Variants in EEF2KMT observed in about 807,000 individuals in gnomAD.
EEF2KMT encodes protein-lysine N-methyltransferase EEF2KMT.
A neutral mutation model predicts 35.1 loss-of-function variants in EEF2KMT; 30 were observed. The ratio of observed to expected loss-of-function variants is 0.85; its 90% CI spans 0.64 to 1.16. EEF2KMT has a LOEUF of 1.16. EEF2KMT is among the 50% of genes most tolerant of loss of function. The probability of loss-of-function intolerance (pLI) is 0.00; values close to 1 mark genes in which losing one functional copy is unlikely to be tolerated. For missense variants in EEF2KMT, 499 were observed against 438.2 expected (o/e 1.14, Z -1.24); for synonymous variants, 190 against 187.7 (o/e 1.01, Z -0.10).
intron 6 of EEF2KMT, 185 bp from the exon 7 acceptor site, chr16:5,089,441 A>C: frequency 1.2e-6 from 1 of 813,788 alleles, no homozygotes; most frequent in Non-Finnish European, 1.9e-6. Flanking sequence ...TTAGTAGAGA[A>C]AGCTGCAAAA....
In EEF2KMT at chr16:5,091,722, C is replaced by A. The variant is rs941780425; in HGVS notation, c.342+72G>T. 50 of 1,596,372 alleles carry A rather than the reference C, an allele frequency of 3.1e-5. No homozygotes were observed. In the African/African-American group the frequency reaches 6.2e-4, roughly 20 times the overall value. On this transcript the variant is annotated intron_variant, in intron 4 of 7. Coordinates refer to ENST00000427587, the MANE Select transcript of EEF2KMT (RefSeq NM_201400.4). ...GGGTGAGTCAGGATTTGAACCCACA[C>A]CCACGTTTTCACTTTGTCTGTGCAG...
rs138095454 is a variant in EEF2KMT, at chr16:5,090,530, C to T, written c.378G>A (p.Thr126=). The T allele has an allele frequency of 3.2e-4, 520 of 1,611,674 alleles. 4 individuals are homozygous for T. The South Asian group carries it at 5.1e-3, about 16-fold the overall frequency. The change falls in exon 5 of 8, where the codon ACG becomes ACA. Residue 126 remains threonine (T), a synonymous_variant. Coordinates refer to ENST00000427587, the MANE Select transcript of EEF2KMT (RefSeq NM_201400.4). The surrounding 1 kb of genome is among the most constrained non-coding windows in gnomAD (Gnocchi z 4.1). The part of the protein sequence containing the change: ...SGGSVTLSES[T]AIISYGTTGL... ...CTGTGGTACCGTAGGAGATGATGGCCGTGCTCTCGGAGAGTGTGACCGAGC... is the reference window on the plus strand; with the variant it reads ...CTGTGGTACCGTAGGAGATGATGGCTGTGCTCTCGGAGAGTGTGACCGAGC...
Position 5,090,403 on chromosome 16 carries a change from C to T in EEF2KMT, c.476+29G>A, listed in dbSNP as rs552474686. On this transcript the variant is annotated intron_variant, in intron 5 of 7. Coordinates refer to ENST00000427587, the MANE Select transcript of EEF2KMT (RefSeq NM_201400.4). This position sits in a 1 kb window ranked among gnomAD's most constrained non-coding sequence, Gnocchi z 4.1. Reference sequence around the variant, plus strand: ...CGACTGCACCAGGGTAAGCCTGCCTCGGTGCCCTGCCCTGCGCCCCGAGGT... The same window carrying T: ...CGACTGCACCAGGGTAAGCCTGCCTTGGTGCCCTGCCCTGCGCCCCGAGGT... 7.3e-5 allele frequency: 117 copies of T among 1,611,782 alleles called. No individual in the cohort carries two copies. The highest frequency in any genetic ancestry group is 1.1e-4 in the East Asian group (5 of 44,870).
chr16:5,090,472 C>A lies in EEF2KMT; in HGVS notation c.436G>T (p.Ala146Ser), dbSNP rs147115503. The change falls in exon 5 of 8, where the codon GCA becomes TCA. Residue 146 changes from alanine to serine, a missense_variant. Coordinates refer to ENST00000427587, the MANE Select transcript of EEF2KMT (RefSeq NM_201400.4). This position sits in a 1 kb window ranked among gnomAD's most constrained non-coding sequence, Gnocchi z 4.1. The part of the protein sequence containing the change: ...LVTWDAALYL[A>S]EWAIENPAVF... Reference sequence around the variant, plus strand: ...GCCGGGTTCTCGATGGCCCATTCTGCAAGGTAGAGGGCGGCGTCCCATGTG... The same window carrying A: ...GCCGGGTTCTCGATGGCCCATTCTGAAAGGTAGAGGGCGGCGTCCCATGTG... 213 of 1,612,018 alleles carry A rather than the reference C, an allele frequency of 1.3e-4. No individual in the cohort carries two copies. The African/African-American group carries it at 2.5e-3, about 19-fold the overall frequency.
rs1019254413 is a variant in EEF2KMT at position 5,094,869 on chromosome 16, C to T, written c.159+583G>A. Among the ~76,000 whole-genome samples the T allele has an allele frequency of 4.5e-4, 69 of 152,280 alleles. 1 individual carries two copies. The highest frequency in any genetic ancestry group is 6.9e-4 in the Non-Finnish European group (47 of 68,016). On this transcript the variant is annotated intron_variant, in intron 2 of 7. Transcript: ENST00000427587. The stretch of plus-strand genomic sequence containing the variant: ...TATTCTTCTGGTGCACTTCTTTCTG[C>T]GAGGGAGTCTATTGCTTGGTCTTTT...
chr16:5,097,315 C>T, intron 1 of EEF2KMT: 2 of 1,369,980 alleles, frequency 1.5e-6, no homozygotes, highest in Middle Eastern at 2.8e-4. Flanking sequence ...TTAGAATGGG[C>T]GAGGGCAGCT....
chr16:5,096,006 A>G (rs1957454881), intron 1 of EEF2KMT, among the ~76,000 whole-genome samples: 1 of 152,024 alleles, frequency 6.6e-6, no homozygotes, highest in African/African-American at 2.4e-5. Context: ...CATGCCATAA[A>G]AGGCCCTACA....
chr16:5,097,727 C>T lies in EEF2KMT; in HGVS notation c.13G>A (p.Glu5Lys), dbSNP rs745332317. 7 of 1,566,644 alleles carry T rather than the reference C, an allele frequency of 4.5e-6. No individual in the cohort carries two copies. In the South Asian group the frequency reaches 7.0e-5, roughly 16 times the overall value. The change falls in exon 1 of 8, where the codon GAG becomes AAG. Residue 5 changes from glutamate (E) to lysine (K), a missense_variant. Glu to Lys is a moderately conservative substitution (Grantham distance 56). Transcript: ENST00000427587. The stretch of plus-strand genomic sequence containing the variant: ...AGCAAGAGTTCGGTCCCCGCGTTCT[C>T]CTCGGGCGCCATGACGTGGGCGGGG... Reference protein sequence around the residue: MAPEENAGTELLLQS... With the variant: MAPEKNAGTELLLQS...
At position 5,089,091 on chromosome 16, in the gene EEF2KMT, G is replaced by A. The variant is rs773885298; in HGVS notation, c.892+16C>T. On this transcript the variant is annotated intron_variant, in intron 7 of 7. Transcript: ENST00000427587. ...GCTCAGGGACCATGCAGGCCCGGGT[G>A]GGCGTGGAGGCTCACCTAGCTCGGT... 18 of 1,612,086 alleles carry A rather than the reference G, an allele frequency of 1.1e-5. No individual in the cohort carries two copies. In the East Asian group the frequency reaches 3.6e-4, roughly 32 times the overall value.
intron 1 of EEF2KMT, chr16:5,097,332 C>T: frequency 1.4e-6 from 2 of 1,404,772 alleles, no homozygotes; most frequent in African/African-American, 1.4e-5. Context: ...AGCTGTGTCC[C>T]AGTGACCAGA....
intron 7 of EEF2KMT, 101 bp downstream of exon 7, chr16:5,089,006 G>A (rs1192866538): frequency 3.1e-6 from 5 of 1,598,854 alleles, no homozygotes; most frequent in Middle Eastern, 2.2e-4. Flanking sequence ...GGAGTGTGGG[G>A]CAACCTAGCT....
rs760580244 is a variant in EEF2KMT, at chr16:5,090,200, T to G, written c.626A>C (p.Glu209Ala). The change falls in exon 6 of 8, where the codon GAG (glutamate) becomes GCG (alanine). Residue 209 changes from glutamate to alanine, a missense_variant. Glu to Ala is a moderately radical substitution (Grantham distance 107, BLOSUM62 -1). Coordinates refer to ENST00000427587, the MANE Select transcript of EEF2KMT (RefSeq NM_201400.4). This position sits in a 1 kb window ranked among gnomAD's most constrained non-coding sequence, Gnocchi z 4.1. ...GTCTAACTTGGCAGTGATGTCTGCC[T>G]CTAATGAGAGGCCATTGAGAAGGAC... is the stretch of plus-strand genomic sequence containing the variant. Reference protein sequence around the residue: ...GNVLLNGLSLEADITAKLDSP... With the variant: ...GNVLLNGLSLAADITAKLDSP... 3 of 1,611,950 alleles carry G rather than the reference T, an allele frequency of 1.9e-6. No homozygotes were observed. The Admixed American group carries it at 5.0e-5, about 27-fold the overall frequency.
Position 5,085,740 on chromosome 16 carries a change from CAG to C in EEF2KMT, c.893-10_893-9del, listed in dbSNP as rs751541341. The C allele has an allele frequency of 1.6e-5, 26 of 1,604,958 alleles. No individual in the cohort carries two copies. The South Asian group carries it at 2.8e-4, about 17-fold the overall frequency. ...ATCTGATCCCGGCCCGGCCTGGAAA[CAG>C]AGCACATGTGTTTGAGGATGGCGGT... On this transcript the variant is annotated splice_polypyrimidine_tract_variant and intron_variant, in intron 7 of 7. Transcript: ENST00000427587.
Position 5,090,477 on chromosome 16 carries a change from T to A in EEF2KMT, c.431A>T (p.Tyr144Phe). The change falls in exon 5 of 8, where the codon TAC becomes TTC. Residue 144 changes from tyrosine to phenylalanine, a missense_variant. Physicochemically the swap from Tyr to Phe is conservative, Grantham distance 22 (BLOSUM62 3). Coordinates refer to ENST00000427587, the MANE Select transcript of EEF2KMT (RefSeq NM_201400.4). The surrounding 1 kb of genome is among the most constrained non-coding windows in gnomAD (Gnocchi z 4.1). ...GTTCTCGATGGCCCATTCTGCAAGGTAGAGGGCGGCGTCCCATGTGACCAG... is the reference window on the plus strand; with the variant it reads ...GTTCTCGATGGCCCATTCTGCAAGGAAGAGGGCGGCGTCCCATGTGACCAG... ...TGLVTWDAALYLAEWAIENPA... is the reference protein window; with the variant it reads ...TGLVTWDAALFLAEWAIENPA... The A allele has an allele frequency of 6.2e-7, 1 of 1,611,750 alleles. No individual in the cohort carries two copies. The highest frequency in any genetic ancestry group is 8.5e-7 in the Non-Finnish European group (1 of 1,179,790).
Position 5,084,640 on chromosome 16 carries a change from G to A in EEF2KMT, c.*992C>T, listed in dbSNP as rs1047803. ...CTCGAGTCCAAGTGAGGGAGTTAGG[G>A]ACTTGGGAGGGGTTGTTGTTGGGTC... On this transcript the variant is annotated 3_prime_UTR_variant, in exon 8 of 8. Coordinates refer to ENST00000427587, the MANE Select transcript of EEF2KMT (RefSeq NM_201400.4). 1 of 1,505,814 alleles carries A rather than the reference G, an allele frequency of 6.6e-7. No individual in the cohort carries two copies. The highest frequency in any genetic ancestry group is 9.0e-7 in the Non-Finnish European group (1 of 1,105,204). The allele number at this position is 1,505,814 out of a possible 1,614,324, so 93.3% of individuals were successfully genotyped here. A position where few individuals can be genotyped will look rare whatever the true frequency, so the allele number is the denominator to read the frequency against.
Position 5,084,528 on chromosome 16 carries a change from C to G in EEF2KMT, c.*1104G>C. On this transcript the variant is annotated 3_prime_UTR_variant, in exon 8 of 8. Transcript: ENST00000427587. The stretch of plus-strand genomic sequence containing the variant: ...GAGGCCGGGAGGTGCTCCAGGGCAC[C>G]AAGTGTGGGAAAGTGGGACATGCGG... 1.4e-6 allele frequency: 1 copy of G among 732,260 alleles called. No homozygotes were observed. Among genetic ancestry groups the G allele is most frequent in the Non-Finnish European group, 2.3e-6 (1 of 440,356 alleles). The allele number at this position is 732,260 out of a possible 1,614,324, so 45.4% of individuals were successfully genotyped here.
chr16:5,094,445 T>A lies in EEF2KMT; in HGVS notation c.160-881A>T, dbSNP rs541611360. The stretch of plus-strand genomic sequence containing the variant: ...GCCCAGCTAATTTTTGTATTTTTAG[T>A]AGAGATGGGTTTTTGCCATGTTGGC... On this transcript the variant is annotated intron_variant, in intron 2 of 7. Transcript: ENST00000427587. 5.3e-5 allele frequency among the ~76,000 whole-genome samples: 8 copies of A among 152,238 alleles called. No homozygotes were observed. In the South Asian group the frequency reaches 1.7e-3, roughly 32 times the overall value.
Position 5,089,122 on chromosome 16 carries a change from A to G in EEF2KMT, c.877T>C (p.Phe293Leu). ...TVRNPETCQL[F>L]TTELGRAGIR... is the part of the protein sequence containing the mutation. The stretch of plus-strand genomic sequence containing the variant: ...GGAGGCTCACCTAGCTCGGTGGTGA[A>G]CAGCTGGCACGTCTCTGGGTTGCGG... The change falls in exon 7 of 8, where the codon TTC (phenylalanine) becomes CTC (leucine). Residue 293 changes from phenylalanine (F) to leucine (L), a missense_variant. Physicochemically the swap from Phe to Leu is conservative, Grantham distance 22. Transcript: ENST00000427587. 3 of 1,612,830 alleles carry G rather than the reference A, an allele frequency of 1.9e-6. No individual in the cohort carries two copies. Among genetic ancestry groups the G allele is most frequent in the Non-Finnish European group, 2.5e-6 (3 of 1,179,852 alleles).
chr16:5,090,284 G>T lies in EEF2KMT; in HGVS notation c.542C>A (p.Pro181His). Residue 181 changes from proline to histidine, a missense_variant, in exon 6 of 8, where the codon CCC becomes CAC. Transcript: ENST00000427587. This position sits in a 1 kb window ranked among gnomAD's most constrained non-coding sequence, Gnocchi z 4.1. ...TGLAICKMCR[P>H]RAYIFSDCHS... is the part of the protein sequence containing the mutation. The stretch of plus-strand genomic sequence containing the variant: ...ACAGTCGCTGAAGATGTATGCCCGG[G>T]GGCGGCACATCTTGCAGATGGCCAG... 1.2e-6 allele frequency: 2 copies of T among 1,612,082 alleles called. No individual in the cohort carries two copies. Among genetic ancestry groups the T allele is most frequent in the Non-Finnish European group, 1.7e-6 (2 of 1,179,864 alleles).
Sources: allele counts gnomAD v4.1 joint callset (sites outside exome capture counted in the v4.1 genomes callset), GRCh38; gene constraint gnomAD v4.1.1; non-coding constraint Gnocchi (gnomAD v3.1); transcripts MANE v1.5; gene names NCBI Gene and HGNC (gene_info 2026-07-23, HGNC 2026-07-21).